The following CNTNAP5 variants were observed in gnomAD, a reference collection of about 807,000 sequenced individuals.
The protein encoded by CNTNAP5 is contactin associated protein family member 5, also known as contactin-associated protein-like 5.
A neutral mutation model predicts 150.2 loss-of-function variants in CNTNAP5; 72 were observed. The observed-to-expected ratio is 0.48, with a 90% CI of 0.40 to 0.58. The LOEUF (loss-of-function observed/expected upper bound fraction) is 0.58, where lower values mean the gene tolerates loss of function less well. Ranked by LOEUF, CNTNAP5 falls within the 20% of genes least tolerant of loss-of-function variation. CNTNAP5 has a pLI of 0.00. For synonymous variants in CNTNAP5, 672 were observed against 619.8 expected (o/e 1.08, Z -1.25); for missense variants, 1,636 against 1,626.2 (o/e 1.01, Z -0.10).
At chr2:124,639,628 T>C (rs1486502215) in intron 12 of CNTNAP5, among the ~76,000 whole-genome samples, 1 of 123,684 alleles carries the variant, frequency 8.1e-6, no homozygotes, top group South Asian at 2.9e-4. Context: ...CAACAAGTAC[T>C]ATTATACTTA....
intron 11 of CNTNAP5, among the ~76,000 whole-genome samples, chr2:124,599,271 C>G (rs984440553): frequency 1.3e-5 from 2 of 152,260 alleles, no homozygotes; most frequent in Middle Eastern, 3.4e-3. Flanking sequence ...TCCCAATTAT[C>G]TCAATACCAC....
At chr2:124,130,686 C>G (rs952261854) in intron 1 of CNTNAP5, among the ~76,000 whole-genome samples, 1 of 152,038 alleles carries the variant, frequency 6.6e-6, no homozygotes, top group South Asian at 2.1e-4. Flanking sequence ...TAACTGTGAG[C>G]CCCAAACTCA....
At chr2:124,465,143 CA>C (rs932945627) in intron 6 of CNTNAP5, among the ~76,000 whole-genome samples, 6 of 151,162 alleles carry the variant, frequency 4.0e-5, no homozygotes, top group African/African-American at 9.7e-5. Context: ...AATACCAAAC[CA>C]AAAAAAATAA....
intron 22 of CNTNAP5, among the ~76,000 whole-genome samples, chr2:124,905,198 C>T (rs1328297865): frequency 2.1e-5 from 3 of 146,286 alleles, no homozygotes; most frequent in Non-Finnish European, 3.0e-5. Context: ...CATCACTGAT[C>T]GTCAGGGAAA....
chr2:124,130,031 A>C (rs917515125), intron 1 of CNTNAP5, among the ~76,000 whole-genome samples: 5 of 152,124 alleles, frequency 3.3e-5, no homozygotes, highest in Admixed American at 2.0e-4. Flanking sequence ...TTCTATATGG[A>C]TTGTCAATTT....
intron 3 of CNTNAP5, among the ~76,000 whole-genome samples, chr2:124,416,681 A>T (rs17725465): frequency 0.15 from 23,514 of 151,732 alleles, 1,940 homozygotes; most frequent in Non-Finnish European, 0.19. Flanking sequence ...TTCTTTTTTT[A>T]AAAAATCTGT....
At chr2:124,136,573 A>G (rs901004583) in intron 1 of CNTNAP5, among the ~76,000 whole-genome samples, 2 of 152,248 alleles carry the variant, frequency 1.3e-5, no homozygotes, top group Admixed American at 1.3e-4. Context: ...TGTAATTTAC[A>G]GAATACAGTA....
intron 1 of CNTNAP5, among the ~76,000 whole-genome samples, chr2:124,112,060 A>C (rs1348690016): frequency 6.6e-6 from 1 of 152,202 alleles, no homozygotes; most frequent in Non-Finnish European, 1.5e-5. Context: ...CTGGAGTTTC[A>C]TGTGTTCTCC....
chr2:124,666,081 A>G (rs531030468), intron 13 of CNTNAP5, among the ~76,000 whole-genome samples: 42 of 152,276 alleles, frequency 2.8e-4, no homozygotes, highest in African/African-American at 9.1e-4. Flanking sequence ...TGGGTAAAAT[A>G]TAACCCAAAG....
intron 13 of CNTNAP5, among the ~76,000 whole-genome samples, chr2:124,657,413 C>A (rs1191202240): frequency 6.6e-6 from 1 of 152,006 alleles, no homozygotes; most frequent in Non-Finnish European, 1.5e-5. Context: ...TCTCCATTCC[C>A]CATTCAGTAT....
At chr2:124,262,897 G>T (rs1319161176) in intron 3 of CNTNAP5, among the ~76,000 whole-genome samples, 1 of 148,754 alleles carries the variant, frequency 6.7e-6, no homozygotes, top group Admixed American at 6.9e-5. Context: ...AGCACATGTG[G>T]TGTTTGGTTT....
chr2:124,508,258 G>A (rs550646585), intron 8 of CNTNAP5, among the ~76,000 whole-genome samples: 1 of 152,236 alleles, frequency 6.6e-6, no homozygotes, highest in Non-Finnish European at 1.5e-5. Context: ...GAATGAATTT[G>A]TGCAGTCAGA....
chr2:124,356,906 A>G (rs961041719), intron 3 of CNTNAP5, among the ~76,000 whole-genome samples: 7 of 151,842 alleles, frequency 4.6e-5, no homozygotes, highest in African/African-American at 1.5e-4. Context: ...TGGTTGAACT[A>G]GTTTACAGTC....
chr2:124,301,182 C>A (rs1484784884), intron 3 of CNTNAP5, among the ~76,000 whole-genome samples: 1 of 152,130 alleles, frequency 6.6e-6, no homozygotes, highest in Non-Finnish European at 1.5e-5. Context: ...GGATTATATA[C>A]CATTTGCAAT....
chr2:124,472,290 AAAAT>A (rs1478158393), intron 6 of CNTNAP5, among the ~76,000 whole-genome samples: 2 of 152,062 alleles, frequency 1.3e-5, no homozygotes, highest in Admixed American at 6.6e-5. Flanking sequence ...ATTCTTATTT[AAAAT>A]AAATAAATAA....
At chr2:124,861,826 G>GT (rs1050078043) in intron 19 of CNTNAP5, among the ~76,000 whole-genome samples, 4 of 151,952 alleles carry the variant, frequency 2.6e-5, no homozygotes, top group Non-Finnish European at 5.9e-5. Context: ...ATTATTATTA[G>GT]TTTTTGAGAC....
At chr2:124,570,690 G>A (rs1429846377) in intron 11 of CNTNAP5, among the ~76,000 whole-genome samples, 1 of 152,128 alleles carries the variant, frequency 6.6e-6, no homozygotes, top group Non-Finnish European at 1.5e-5. Flanking sequence ...ACAGATACTG[G>A]ATGCAATTTG....
chr2:124,027,367 G>A (rs1186332870), intron 1 of CNTNAP5, among the ~76,000 whole-genome samples: 2 of 152,192 alleles, frequency 1.3e-5, no homozygotes, highest in African/African-American at 4.8e-5. Context: ...AGCTAGCTGT[G>A]TTTTCCCTTC....
intron 3 of CNTNAP5, among the ~76,000 whole-genome samples, chr2:124,304,082 A>G (rs1688624002): frequency 6.6e-6 from 1 of 152,150 alleles, no homozygotes; most frequent in Non-Finnish European, 1.5e-5. Flanking sequence ...AATGCCAGGA[A>G]CTATGCTAGG....
Sources: allele counts gnomAD v4.1 joint callset (sites outside exome capture counted in the v4.1 genomes callset), GRCh38; gene constraint gnomAD v4.1.1; transcripts MANE v1.5; gene names NCBI Gene and HGNC (gene_info 2026-07-23, HGNC 2026-07-21).